SEC14L3: variants seen among roughly 807,000 people sequenced by gnomAD.
SEC14L3 encodes the protein SEC14 like lipid binding 3, also known as SEC14-like protein 3.
In SEC14L3, 56 loss-of-function variants were observed where a neutral mutation model predicts 57.4. The ratio of observed to expected loss-of-function variants is 0.97; its 90% confidence interval spans 0.79 to 1.22. The LOEUF (loss-of-function observed/expected upper bound fraction) is 1.22, where lower values mean the gene tolerates loss of function less well. SEC14L3 is among the 50% of genes most tolerant of loss of function. SEC14L3 has a pLI of 0.00. For missense variants in SEC14L3, 485 were observed against 511.7 expected (o/e 0.95, Z 0.50); for synonymous variants, 173 against 194.4 (o/e 0.89, Z 0.92).
intron 2 of SEC14L3, 76 bp downstream of exon 2, chr22:30,470,431 G>A (rs2146128105): frequency 6.2e-7 from 1 of 1,607,216 alleles, no homozygotes; most frequent in Non-Finnish European, 8.5e-7. Flanking sequence ...TGAGAGCCAT[G>A]AGACACTCTG....
At chr22:30,471,280 C>CA (rs753062112) in intron 1 of SEC14L3, 49 of 452,686 alleles carry the variant, frequency 1.1e-4, no homozygotes, top group South Asian at 2.6e-4. Context: ...GACTCCATCT[C>CA]AAAAAAAAGA....
At position 30,449,117 on chromosome 22, in the gene SEC14L3, A is replaced by G. The variant is rs2146077950; in HGVS notation, c.1032T>C (p.Ser344=). ...TACTGGCAGGGAGGGGTAAAGGCCTACTTAGCTTGCATTTTCGTACCATTT... is the reference window on the plus strand; with the variant it reads ...TACTGGCAGGGAGGGGTAAAGGCCTGCTTAGCTTGCATTTTCGTACCATTT... Residue 344 remains serine (S), a synonymous_variant, in exon 13 of 13, where the codon AGT becomes AGC. Transcript: ENST00000403066. The G allele has an allele frequency of 1.9e-6, 3 of 1,550,588 alleles. No individual in the cohort carries two copies. In the South Asian group the frequency reaches 3.6e-5, roughly 18 times the overall value.
Position 30,471,980 on chromosome 22 carries a change from A to G in SEC14L3, c.-22T>C. ...TCATGGTGCTGGCTGGGGCTTGAGG[A>G]GTGGTGGCCACTATAGGCAAGAGGC... On this transcript the variant is annotated 5_prime_UTR_variant, in exon 1 of 12. Transcript: ENST00000215812. 1 of 1,588,064 alleles carries G rather than the reference A, an allele frequency of 6.3e-7. No individual in the cohort carries two copies. The highest frequency in any genetic ancestry group is 8.6e-7 in the Non-Finnish European group (1 of 1,167,556).
chr22:30,450,050 G>A (rs1934951701), intron 12 of SEC14L3, among the ~76,000 whole-genome samples: 1 of 152,084 alleles, frequency 6.6e-6, no homozygotes, highest in South Asian at 2.1e-4. Flanking sequence ...CCAGGTTCAC[G>A]GACACTTGTT....
At chr22:30,470,378 C>T (rs1935566248) in intron 2 of SEC14L3, 123 bp from the exon 3 acceptor site, 1 of 1,593,646 alleles carries the variant, frequency 6.3e-7, no homozygotes, top group Non-Finnish European at 8.5e-7. Context: ...CCCTTCCCTC[C>T]TCTGGACCTG....
chr22:30,454,789 T>TATAATA (rs1935064912), downstream of SEC14L3, among the ~76,000 whole-genome samples: 5 of 71,846 alleles, frequency 7.0e-5, no homozygotes, highest in African/African-American at 2.4e-4. Context: ...TTATATATTA[T>TATAATA]ATATTATTGT....
exon 13 of SEC14L3, chr22:30,448,423 C>T (rs928581230): frequency 6.6e-6 from 1 of 152,264 alleles, no homozygotes; most frequent in Non-Finnish European, 1.5e-5. Context: ...CCAGGGCAGT[C>T]CTGCTTCCTG....
chr22:30,469,005 G>A, intron 4 of SEC14L3: 2 of 1,381,306 alleles, frequency 1.4e-6, no homozygotes, highest in East Asian at 2.6e-5. Flanking sequence ...AGATTCTGAA[G>A]GTTAACAGAG....
intron 7 of SEC14L3, 122 bp from the exon 8 acceptor site, chr22:30,465,025 T>C (rs967023751): frequency 3.5e-5 from 51 of 1,447,226 alleles, no homozygotes; most frequent in African/African-American, 2.3e-4. Context: ...CCAGTGTCTG[T>C]CCTGCACCCA....
intron 5 of SEC14L3, 57 bp from the exon 6 acceptor site, chr22:30,467,134 G>T: frequency 1.2e-6 from 2 of 1,608,190 alleles, no homozygotes; most frequent in South Asian, 2.2e-5. Flanking sequence ...CTTGGGAGAT[G>T]GTAATCCAAG....
At chr22:30,458,447 G>T (rs1935157097), downstream of SEC14L3, among the ~76,000 whole-genome samples, 1 of 152,204 alleles carries the variant, frequency 6.6e-6, no homozygotes, top group Non-Finnish European at 1.5e-5. Context: ...AACAGGGACT[G>T]GAGAGGGTGA....
intron 12 of SEC14L3, among the ~76,000 whole-genome samples, chr22:30,450,322 T>C: frequency 6.6e-6 from 1 of 152,072 alleles, no homozygotes. Context: ...TTTATTTTTT[T>C]TGAGACGGAA....
chr22:30,458,780 G>A (rs530377035), downstream of SEC14L3, among the ~76,000 whole-genome samples: 2 of 152,026 alleles, frequency 1.3e-5, no homozygotes, highest in South Asian at 2.1e-4. Context: ...GGAGGCTGAT[G>A]GGGGGTAAAT....
chr22:30,469,162 A>G (rs546131466), intron 4 of SEC14L3, among the ~76,000 whole-genome samples: 1 of 152,278 alleles, frequency 6.6e-6, no homozygotes, highest in African/African-American at 2.4e-5. Flanking sequence ...CTACAAAAAT[A>G]AAAGAAATTA....
chr22:30,454,912 T>A, downstream of SEC14L3, among the ~76,000 whole-genome samples: 2 of 29,604 alleles, frequency 6.8e-5, no homozygotes, highest in African/African-American at 1.7e-4. Flanking sequence ...TATAATATAT[T>A]ATTATATATT....
At position 30,468,619 on chromosome 22, in the gene SEC14L3, C is replaced by T. The variant is rs777478154; in HGVS notation, c.312G>A (p.Gly104=). The T allele has an allele frequency of 5.6e-6, 9 of 1,613,818 alleles. No homozygotes were observed. Among genetic ancestry groups the T allele is most frequent in the Non-Finnish European group, 7.6e-6 (9 of 1,179,984 alleles). The part of the protein sequence containing the change: ...DGCPVWYDII[G]PLDPKGLLFS... The stretch of plus-strand genomic sequence containing the variant: ...AGAGCAACCCCTTGGGATCAAGTGG[C>T]CCAATGATGTCATACCACACGGGGC... The change falls in exon 5 of 12, where the codon GGG becomes GGA. Residue 104 remains glycine, a synonymous_variant. Transcript: ENST00000215812.
rs530604734 is a variant in SEC14L3 at position 30,459,537 on chromosome 22, C to A, written c.*484G>T. 6 of 986,466 alleles carry A rather than the reference C, an allele frequency of 6.1e-6. No individual in the cohort carries two copies. The East Asian group carries it at 6.8e-4, about 112-fold the overall frequency. The allele number at this position is 986,466 out of a possible 1,614,324, so 61.1% of individuals were successfully genotyped here. A position where few individuals can be genotyped will look rare whatever the true frequency, so the allele number is the denominator to read the frequency against. On this transcript the variant is annotated 3_prime_UTR_variant, in exon 12 of 12. Transcript: ENST00000215812. ...TGAAATCCACCCCACATAGGCTCCTCCTAATCATGTACAGCTGTTGAGTCA... is the reference window on the plus strand; with the variant it reads ...TGAAATCCACCCCACATAGGCTCCTACTAATCATGTACAGCTGTTGAGTCA...
intron 12 of SEC14L3, among the ~76,000 whole-genome samples, chr22:30,449,603 C>T (rs1283057276): frequency 1.4e-5 from 2 of 146,052 alleles, no homozygotes; most frequent in African/African-American, 2.6e-5. Flanking sequence ...CTTGCTCTGT[C>T]GCCCAGGCTG....
At chr22:30,453,513 A>C (rs535209662) in intron 12 of SEC14L3, among the ~76,000 whole-genome samples, 1 of 152,082 alleles carries the variant, frequency 6.6e-6, no homozygotes, top group African/African-American at 2.4e-5. Flanking sequence ...CCCGAGTCCA[A>C]GTGATTGTCC....
Sources: gnomAD v4.1 joint callset for allele counts (sites outside exome capture counted in the v4.1 genomes callset) on GRCh38, gnomAD v4.1.1 for gene constraint, MANE v1.5 for transcripts, NCBI Gene and HGNC (gene_info 2026-07-23, HGNC 2026-07-21) for gene names.